The following ZNF793 variants were observed in gnomAD, a reference collection of about 807,000 sequenced individuals.
ZNF793 encodes zinc finger protein 793.
ZNF793 carries 5 observed loss-of-function variants against 12.4 expected under a neutral mutation model. That is an observed-to-expected ratio of 0.40 (90% CI 0.21 to 0.84). ZNF793 has a LOEUF of 0.84. ZNF793 is among the 40% of genes least tolerant of loss of function. ZNF793 has a pLI of 0.35. For synonymous variants in ZNF793, 162 were observed against 172.4 expected (o/e 0.94, Z 0.47); for missense variants, 456 against 495.0 (o/e 0.92, Z 0.75).
intron 2 of ZNF793, among the ~76,000 whole-genome samples, chr19:37,514,312 A>G (rs78637034): frequency 0.018 from 2,807 of 152,278 alleles, 40 homozygotes; most frequent in Non-Finnish European, 0.03. Context: ...TTTCTTATTG[A>G]GCCTTAAAGT....
intron 2 of ZNF793, among the ~76,000 whole-genome samples, chr19:37,515,604 A>G (rs1600406582): frequency 6.6e-6 from 1 of 152,178 alleles, no homozygotes; most frequent in African/African-American, 2.4e-5. Context: ...CACCGCGCCC[A>G]GCCTGATGAC....
At chr19:37,515,656 C>A (rs2042326414) in intron 2 of ZNF793, among the ~76,000 whole-genome samples, 1 of 152,074 alleles carries the variant, frequency 6.6e-6, no homozygotes, top group Non-Finnish European at 1.5e-5. Flanking sequence ...GAAAATATGC[C>A]ATTTAGAATG....
At chr19:37,530,948 C>T (rs2042455213) in intron 5 of ZNF793, among the ~76,000 whole-genome samples, 2 of 151,936 alleles carry the variant, frequency 1.3e-5, no homozygotes, top group South Asian at 2.1e-4. Context: ...TTTCAAAATT[C>T]TGTTTATTTA....
rs1158591927 is a variant in ZNF793 at position 37,540,959 on chromosome 19, A to G, written c.*3080A>G. Reference sequence around the variant, plus strand: ...TACCCAATAAATATATACAACAATTATATATCTATAATAATTAAAAATTTT... The same window carrying G: ...TACCCAATAAATATATACAACAATTGTATATCTATAATAATTAAAAATTTT... On this transcript the variant is annotated 3_prime_UTR_variant, in exon 8 of 8. Coordinates refer to ENST00000627814, the MANE Select transcript of ZNF793 (RefSeq NM_001013659.3). 4 of 151,998 alleles carry G rather than the reference A, an allele frequency of 2.6e-5. No individual in the cohort carries two copies. The highest frequency in any genetic ancestry group is 9.7e-5 in the African/African-American group (4 of 41,436). 9.4% of individuals were successfully genotyped at this position (151,998 alleles called of 1,614,324 possible).
rs578176487 is a variant in ZNF793, at chr19:37,538,133, T to C, written c.*254T>C. 1.7e-5 allele frequency: 6 copies of C among 360,182 alleles called. No homozygotes were observed. The highest frequency in any genetic ancestry group is 1.4e-4 in the South Asian group (4 of 28,140). 22.3% of individuals were successfully genotyped at this position (360,182 alleles called of 1,614,324 possible). A position where few individuals can be genotyped will look rare whatever the true frequency, so the allele number is the denominator to read the frequency against. On this transcript the variant is annotated 3_prime_UTR_variant, in exon 8 of 8. Coordinates refer to ENST00000627814, the MANE Select transcript of ZNF793 (RefSeq NM_001013659.3). The stretch of plus-strand genomic sequence containing the variant: ...GGTTTCACCGTGTTAGCCAGGATGG[T>C]CTCGATCTCCTGACCTTGTGATCTG...
At chr19:37,523,003 GTATT>G (rs1568322305) in intron 4 of ZNF793, among the ~76,000 whole-genome samples, 1 of 152,046 alleles carries the variant, frequency 6.6e-6, no homozygotes, top group African/African-American at 2.4e-5. Flanking sequence ...GAGATAAAGG[GTATT>G]TATTTGTTTG....
intron 5 of ZNF793, among the ~76,000 whole-genome samples, chr19:37,527,400 TG>T (rs1029743261): frequency 2.6e-5 from 4 of 152,348 alleles, no homozygotes; most frequent in Middle Eastern, 3.4e-3. Context: ...TTGATTTATA[TG>T]ATTTTTCTTC....
Position 37,540,644 on chromosome 19 carries a change from G to A in ZNF793, c.*2765G>A, listed in dbSNP as rs1042652095. ...ATCAGGAATTCAATATTGGCTTAGA[G>A]ATTCCAGTGAAGGCAATAAAAAGAA... On this transcript the variant is annotated 3_prime_UTR_variant, in exon 8 of 8. Coordinates refer to ENST00000627814, the MANE Select transcript of ZNF793 (RefSeq NM_001013659.3). The A allele has an allele frequency of 2.0e-5, 3 of 151,714 alleles. No homozygotes were observed. Among genetic ancestry groups the A allele is most frequent in the Non-Finnish European group, 4.4e-5 (3 of 67,920 alleles). The allele number at this position is 151,714 out of a possible 1,614,324, so 9.4% of individuals were successfully genotyped here. A position where few individuals can be genotyped will look rare whatever the true frequency, so the allele number is the denominator to read the frequency against.
chr19:37,519,601 C>T (rs938874525), intron 2 of ZNF793, among the ~76,000 whole-genome samples: 2 of 151,994 alleles, frequency 1.3e-5, no homozygotes, highest in African/African-American at 4.8e-5. Flanking sequence ...GATTAATAGC[C>T]TCAATATAGA....
intron 5 of ZNF793, among the ~76,000 whole-genome samples, chr19:37,528,415 A>G (rs2042433115): frequency 6.6e-6 from 1 of 151,492 alleles, no homozygotes; most frequent in African/African-American, 2.4e-5. Flanking sequence ...GGTTGAGCTG[A>G]TGCCTGTGAC....
rs1434617834 is a variant in ZNF793, at chr19:37,543,320, C to T, written c.*5441C>T. 6.6e-6 allele frequency: 1 copy of T among 152,144 alleles called. No individual in the cohort carries two copies. Among genetic ancestry groups the T allele is most frequent in the Non-Finnish European group, 1.5e-5 (1 of 68,020 alleles). 9.4% of individuals were successfully genotyped at this position (152,144 alleles called of 1,614,324 possible). On this transcript the variant is annotated 3_prime_UTR_variant, in exon 8 of 8. Transcript: ENST00000627814. ...TGAAAAACAAAATAAAGGGGGAAAA[C>T]ATTTCAAACTGAATGAAGCCTTGAA...
upstream of ZNF793, chr19:37,506,771 T>C (rs1291826172): frequency 6.6e-6 from 1 of 152,196 alleles, no homozygotes; most frequent in Non-Finnish European, 1.5e-5. Context: ...GGCTTAATCA[T>C]CCGTTTTACG....
intron 2 of ZNF793, among the ~76,000 whole-genome samples, chr19:37,509,504 G>T (rs2042276527): frequency 6.6e-6 from 1 of 152,200 alleles, no homozygotes; most frequent in Non-Finnish European, 1.5e-5. Context: ...GGATGCTAAG[G>T]CAGGTAACAT....
rs2042544570 is a variant in ZNF793 at position 37,540,393 on chromosome 19, T to C, written c.*2514T>C. 6.6e-6 allele frequency: 1 copy of C among 151,048 alleles called. No homozygotes were observed. The highest frequency in any genetic ancestry group is 1.5e-5 in the Non-Finnish European group (1 of 67,806). 9.4% of individuals were successfully genotyped at this position (151,048 alleles called of 1,614,324 possible). A position where few individuals can be genotyped will look rare whatever the true frequency, so the allele number is the denominator to read the frequency against. On this transcript the variant is annotated 3_prime_UTR_variant, in exon 8 of 8. Transcript: ENST00000627814. ...CCAAAGAGTGACATAGTAAGAGTCA[T>C]CCCAAGAATGCCAAACCAGTTCAGT... is the stretch of plus-strand genomic sequence containing the variant.
chr19:37,520,623 C>T (rs1020798829), intron 3 of ZNF793, among the ~76,000 whole-genome samples: 2 of 152,138 alleles, frequency 1.3e-5, no homozygotes, highest in South Asian at 2.1e-4. Context: ...AGTCTCATGG[C>T]GGGTGCGATA....
chr19:37,529,595 C>T (rs528398190), intron 5 of ZNF793, among the ~76,000 whole-genome samples: 43 of 152,276 alleles, frequency 2.8e-4, no homozygotes, highest in African/African-American at 7.7e-4. Context: ...CAGTTTCAAG[C>T]GATTCTCCTG....
At chr19:37,532,744 G>A (rs1047362310) in intron 6 of ZNF793, among the ~76,000 whole-genome samples, 3 of 151,946 alleles carry the variant, frequency 2.0e-5, no homozygotes, top group African/African-American at 7.3e-5. Flanking sequence ...GCTTGAACCC[G>A]GGAGGCAGAG....
chr19:37,537,469 A>C lies in ZNF793; in HGVS notation c.811A>C (p.Ile271Leu), dbSNP rs1348929325. 5 of 1,614,010 alleles carry C rather than the reference A, an allele frequency of 3.1e-6. No homozygotes were observed. Among genetic ancestry groups the C allele is most frequent in the Non-Finnish European group, 4.2e-6 (5 of 1,179,882 alleles). The change falls in exon 8 of 8, where the codon ATC becomes CTC. Residue 271 changes from isoleucine (I) to leucine (L), a missense_variant. Ile to Leu is a conservative substitution (Grantham distance 5). Coordinates refer to ENST00000627814, the MANE Select transcript of ZNF793 (RefSeq NM_001013659.3). ...GKAFSHKSTL[I>L]KHQRIHTGVR... ...AGCCTTTTCACATAAGTCAACCCTC[A>C]TCAAACACCAGAGAATTCACACTGG...
intron 2 of ZNF793, among the ~76,000 whole-genome samples, chr19:37,514,579 TAGATA>T (rs2042316630): frequency 2.5e-5 from 1 of 40,792 alleles, no homozygotes; most frequent in Non-Finnish European, 3.8e-5. Flanking sequence ...GATAGACAGA[TAGATA>T]GATAGATAGA....
Sources: allele counts gnomAD v4.1 joint callset (sites outside exome capture counted in the v4.1 genomes callset), GRCh38; gene constraint gnomAD v4.1.1; transcripts MANE v1.5; gene names NCBI Gene and HGNC (gene_info 2026-07-23, HGNC 2026-07-21).